Variants in CREB5 observed in about 807,000 individuals in gnomAD.
CREB5 encodes cAMP responsive element binding protein 5.
In CREB5, 19 loss-of-function variants were observed where a neutral mutation model predicts 57.1. The ratio of observed to expected loss-of-function variants is 0.33; its 90% CI spans 0.23 to 0.49. The LOEUF is 0.49. Among genes scored for constraint, CREB5 ranks in the 20% least tolerant of loss-of-function variants. The probability of loss-of-function intolerance (pLI) is 0.99; values close to 1 mark genes in which losing one functional copy is unlikely to be tolerated. For missense variants in CREB5, 579 were observed against 671.6 expected (o/e 0.86, Z 1.52); for synonymous variants, 238 against 238.3 (o/e 1.00, Z 0.01).
At chr7:28,669,545 C>T (rs1254329752) in intron 5 of CREB5, among the ~76,000 whole-genome samples, 1 of 152,124 alleles carries the variant, frequency 6.6e-6, no homozygotes, top group Non-Finnish European at 1.5e-5. Context: ...TGGTGGAGGG[C>T]ATACAGGAAG....
At chr7:28,512,350 C>A (rs1792744736) in intron 4 of CREB5, among the ~76,000 whole-genome samples, 2 of 152,062 alleles carry the variant, frequency 1.3e-5, no homozygotes, top group African/African-American at 4.8e-5. Context: ...GCGGAATCTT[C>A]CAGAATTCTC....
At chr7:28,555,853 T>C (rs768780688) in intron 4 of CREB5, among the ~76,000 whole-genome samples, 29 of 152,348 alleles carry the variant, frequency 1.9e-4, no homozygotes, top group Middle Eastern at 3.4e-3. Flanking sequence ...GGTTTAGAAA[T>C]ATTATTTCTT....
intron 1 of CREB5, among the ~76,000 whole-genome samples, chr7:28,423,808 T>A (rs1355115206): frequency 6.6e-6 from 1 of 152,278 alleles, no homozygotes; most frequent in South Asian, 2.1e-4. Context: ...CTTTGGTAAC[T>A]TCTCCCAGAG....
At chr7:28,685,047 G>A (rs1800793908) in intron 5 of CREB5, among the ~76,000 whole-genome samples, 1 of 152,080 alleles carries the variant, frequency 6.6e-6, no homozygotes, top group Admixed American at 6.6e-5. Context: ...ACCTCCCCAG[G>A]CTGTTTTTCC....
At chr7:28,330,784 A>C (rs533911774) in intron 1 of CREB5, among the ~76,000 whole-genome samples, 1 of 152,208 alleles carries the variant, frequency 6.6e-6, no homozygotes, top group Admixed American at 6.5e-5. Flanking sequence ...GACACATTCA[A>C]ATTTGCAGTA....
rs557840300 is a variant in CREB5 at position 28,772,191 on chromosome 7, A to G, written c.703-32008A>G. On this transcript the variant is annotated intron_variant, in intron 7 of 10. Transcript: ENST00000357727. ...CCTGAATTTGGCAGAATCTCTCTTT[A>G]GAGAGACTCTGCTTCAGACGGCTAG... 3.3e-5 allele frequency among the ~76,000 whole-genome samples: 5 copies of G among 152,338 alleles called. No homozygotes were observed. The South Asian group carries it at 1.0e-3, about 32-fold the overall frequency.
At chr7:28,388,925 G>A (rs760927631) in intron 1 of CREB5, among the ~76,000 whole-genome samples, 9 of 152,218 alleles carry the variant, frequency 5.9e-5, no homozygotes, top group South Asian at 2.1e-4. Context: ...TAAGAAGACT[G>A]CATCTCTGAC....
intron 4 of CREB5, among the ~76,000 whole-genome samples, chr7:28,532,267 A>C (rs1392468687): frequency 3.3e-5 from 5 of 152,222 alleles, no homozygotes; most frequent in African/African-American, 1.2e-4. Context: ...TCAAACCTTC[A>C]GATGAATATA....
chr7:28,446,001 G>A (rs1421082064), intron 1 of CREB5, among the ~76,000 whole-genome samples: 1 of 152,194 alleles, frequency 6.6e-6, no homozygotes, highest in Non-Finnish European at 1.5e-5. Flanking sequence ...TTAATTTTCT[G>A]ATTCTGTCCC....
intron 4 of CREB5, among the ~76,000 whole-genome samples, chr7:28,522,023 T>C (rs1793226072): frequency 6.6e-6 from 1 of 152,240 alleles, no homozygotes; most frequent in Non-Finnish European, 1.5e-5. Flanking sequence ...GGGCTCCTAC[T>C]ATTTGTCAGG....
intron 7 of CREB5, among the ~76,000 whole-genome samples, chr7:28,743,838 C>CTTTTTTTTTT (rs58302393): frequency 4.1e-4 from 31 of 76,010 alleles, no homozygotes; most frequent in Admixed American, 7.5e-4. Context: ...ATCTCCTTTT[C>CTTTTTTTTTT]TTTTTTTTTT....
chr7:28,550,553 C>A (rs1794593898), intron 4 of CREB5, among the ~76,000 whole-genome samples: 1 of 152,144 alleles, frequency 6.6e-6, no homozygotes, highest in South Asian at 2.1e-4. Flanking sequence ...TCTCTCTTCC[C>A]CGACTACTTT....
At chr7:28,366,140 A>C (rs1786582236) in intron 1 of CREB5, among the ~76,000 whole-genome samples, 1 of 152,166 alleles carries the variant, frequency 6.6e-6, no homozygotes, top group Admixed American at 6.5e-5. Context: ...TCACCCGCAA[A>C]AAATTTTCCC....
chr7:28,341,189 A>G lies in CREB5; in HGVS notation c.-25+41748A>G, dbSNP rs192487397. On this transcript the variant is annotated intron_variant, in intron 1 of 9. Transcript: ENST00000396299. The stretch of plus-strand genomic sequence containing the variant: ...GTGAGGATGATTGGTGGAGGCTTCT[A>G]TTCAGCCATCTTGCTCCACCTCCTC... Among the ~76,000 whole-genome samples the G allele has an allele frequency of 5.3e-5, 8 of 152,240 alleles. No homozygotes were observed. The East Asian group carries it at 1.5e-3, about 29-fold the overall frequency.
At chr7:28,616,542 A>C (rs1046299336) in intron 5 of CREB5, among the ~76,000 whole-genome samples, 3 of 152,272 alleles carry the variant, frequency 2.0e-5, no homozygotes, top group African/African-American at 7.2e-5. Context: ...GGTATTGAGC[A>C]GCAGAAAAAC....
At chr7:28,497,347 C>T (rs953122311) in intron 3 of CREB5, among the ~76,000 whole-genome samples, 6 of 152,196 alleles carry the variant, frequency 3.9e-5, no homozygotes, top group African/African-American at 1.2e-4. Context: ...TTGTTCTTAC[C>T]GGATCCTTAT....
intron 7 of CREB5, among the ~76,000 whole-genome samples, chr7:28,802,944 TAGC>T (rs1808456778): frequency 6.6e-6 from 1 of 152,258 alleles, no homozygotes; most frequent in Admixed American, 6.5e-5. Flanking sequence ...TATCAGAACA[TAGC>T]AGATTCATTC....
At chr7:28,689,580 A>G (rs1377552805) in intron 5 of CREB5, among the ~76,000 whole-genome samples, 6 of 152,160 alleles carry the variant, frequency 3.9e-5, no homozygotes, top group Non-Finnish European at 4.4e-5. Context: ...AAATATGGAC[A>G]CTGTTACAAT....
rs113436549 is a variant in CREB5 at position 28,517,482 on chromosome 7, A to G, written c.291+9745A>G. 7.7e-3 allele frequency among the ~76,000 whole-genome samples: 1,171 copies of G among 152,330 alleles called. 12 individuals are homozygous for G. The highest frequency in any genetic ancestry group is 0.027 in the African/African-American group (1,106 of 41,572). ...GATGACTGATTTTAGTATCAGAACCATGCAGGGCCATTTCCCTTGTTCTTC... is the reference window on the plus strand; with the variant it reads ...GATGACTGATTTTAGTATCAGAACCGTGCAGGGCCATTTCCCTTGTTCTTC... On this transcript the variant is annotated intron_variant, in intron 4 of 10. Transcript: ENST00000357727.
Sources: allele counts gnomAD v4.1 joint callset (sites outside exome capture counted in the v4.1 genomes callset), GRCh38; gene constraint gnomAD v4.1.1; transcripts MANE v1.5; gene names NCBI Gene and HGNC (gene_info 2026-07-23, HGNC 2026-07-21).